The following CCDC83 variants were observed in gnomAD, a reference collection of about 807,000 sequenced individuals.
CCDC83 encodes coiled-coil domain-containing protein 83.
CCDC83 carries 54 observed loss-of-function variants against 50.1 expected under a neutral mutation model. That is an observed-to-expected ratio of 1.08 (90% CI 0.87 to 1.35). The LOEUF (loss-of-function observed/expected upper bound fraction) is 1.35, where lower values mean the gene tolerates loss of function less well. Among genes scored for constraint, CCDC83 ranks in the 40% most tolerant of loss-of-function variants. The probability of loss-of-function intolerance (pLI) is 0.00; values close to 1 mark genes in which losing one functional copy is unlikely to be tolerated. For synonymous variants in CCDC83, 161 were observed against 153.3 expected (o/e 1.05, Z -0.37); for missense variants, 518 against 473.9 (o/e 1.09, Z -0.86).
At chr11:85,863,949 GC>G (rs1351465316) in intron 1 of CCDC83, among the ~76,000 whole-genome samples, 2 of 152,168 alleles carry the variant, frequency 1.3e-5, no homozygotes, top group African/African-American at 2.4e-5. Flanking sequence ...TTAAATATTA[GC>G]TTATTTAATC....
At chr11:85,889,821 G>GT (rs1219160091) in intron 5 of CCDC83, among the ~76,000 whole-genome samples, 1 of 152,202 alleles carries the variant, frequency 6.6e-6, no homozygotes, top group East Asian at 1.9e-4. Context: ...GGAGGTTGCT[G>GT]TAAGTGAAAG....
chr11:85,891,916 T>A (rs2135067270), intron 5 of CCDC83, among the ~76,000 whole-genome samples: 1 of 152,260 alleles, frequency 6.6e-6, no homozygotes, highest in East Asian at 1.9e-4. Flanking sequence ...TCCATCTGCT[T>A]CAAATAGTCC....
chr11:85,882,673 G>A lies in CCDC83; in HGVS notation c.341G>A (p.Arg114Lys). ...GAAAGAGACCAGGAAAAAAACTTGAGAGGTGATTTAGGAACATAGAAAACT... is the reference window on the plus strand; with the variant it reads ...GAAAGAGACCAGGAAAAAAACTTGAAAGGTGATTTAGGAACATAGAAAACT... ...KFERDQEKNL[R>K]DMRMQISNAE... Residue 114 changes from arginine to lysine, a missense_variant and splice_region_variant, in exon 4 of 11, where the codon AGA becomes AAA. Physicochemically the swap from Arg to Lys is conservative, Grantham distance 26. Coordinates refer to ENST00000342404, the MANE Select transcript of CCDC83 (RefSeq NM_001286159.2). 6.2e-7 allele frequency: 1 copy of A among 1,613,422 alleles called. No individual in the cohort carries two copies. Among genetic ancestry groups the A allele is most frequent in the Non-Finnish European group, 8.5e-7 (1 of 1,179,700 alleles).
intron 8 of CCDC83, among the ~76,000 whole-genome samples, chr11:85,913,369 A>G (rs1181443493): frequency 1.3e-5 from 2 of 152,262 alleles, no homozygotes; most frequent in Admixed American, 1.3e-4. Flanking sequence ...AAAGACCTGC[A>G]TAAAGAAACT....
intron 7 of CCDC83, among the ~76,000 whole-genome samples, chr11:85,906,771 G>GTAATTAAAA (rs1554984849): frequency 2.7e-5 from 4 of 145,890 alleles, no homozygotes; most frequent in Admixed American, 6.8e-5. Context: ...TGTGGTCCCA[G>GTAATTAAAA]CTACTTATGA....
intron 3 of CCDC83, 71 bp from the exon 4 acceptor site, chr11:85,882,442 T>C: frequency 3.4e-6 from 5 of 1,489,490 alleles, no homozygotes; most frequent in Non-Finnish European, 4.6e-6. Context: ...CGGGAACTTC[T>C]TGACTCTATT....
intron 5 of CCDC83, 23 bp from the exon 6 acceptor site, chr11:85,895,264 CTTTTTT>C (rs10594256): frequency 2.3e-4 from 82 of 363,008 alleles, no homozygotes; most frequent in Middle Eastern, 8.9e-4. Flanking sequence ...TTTTAATTTT[CTTTTTT>C]TTTTTTTTTT....
In CCDC83 at chr11:85,919,594, C is replaced by A; in HGVS notation, c.*84C>A. On this transcript the variant is annotated 3_prime_UTR_variant, in exon 11 of 11. Coordinates refer to ENST00000342404, the MANE Select transcript of CCDC83 (RefSeq NM_001286159.2). ...GTATATCCGTTGCCCATTTTACTTA[C>A]ACTTTGGCTCATTTTTAAACCAGCT... is the stretch of plus-strand genomic sequence containing the variant. 1.0e-6 allele frequency: 1 copy of A among 954,012 alleles called. No homozygotes were observed. Among genetic ancestry groups the A allele is most frequent in the Non-Finnish European group, 1.6e-6 (1 of 628,266 alleles). 59.1% of individuals were successfully genotyped at this position (954,012 alleles called of 1,614,324 possible).
At chr11:85,864,617 C>T (rs551287994) in intron 1 of CCDC83, among the ~76,000 whole-genome samples, 3 of 152,288 alleles carry the variant, frequency 2.0e-5, no homozygotes, top group South Asian at 2.1e-4. Context: ...CAACCCTGCC[C>T]AAACCTAATT....
chr11:85,857,542 T>C (rs907533971), intron 1 of CCDC83, among the ~76,000 whole-genome samples: 2 of 152,164 alleles, frequency 1.3e-5, no homozygotes, highest in African/African-American at 2.4e-5. Flanking sequence ...GTGAGGCATC[T>C]TCAAGGAGAC....
At chr11:85,871,842 C>T (rs1165341325) in intron 2 of CCDC83, among the ~76,000 whole-genome samples, 1 of 152,032 alleles carries the variant, frequency 6.6e-6, no homozygotes, top group Non-Finnish European at 1.5e-5. Context: ...TTTAATTGAG[C>T]CAAAGGGTTT....
chr11:85,878,953 T>C (rs1419975843), intron 3 of CCDC83, among the ~76,000 whole-genome samples: 1 of 152,190 alleles, frequency 6.6e-6, no homozygotes, highest in Non-Finnish European at 1.5e-5. Flanking sequence ...TCTTTTCATG[T>C]GCCTGTCTTT....
chr11:85,916,128 C>T lies in CCDC83; in HGVS notation c.975C>T (p.Ile325=), dbSNP rs372690709. ...TACATCTTAGTCATGAAAATAGCAT[C>T]GAAGATCTCCAGTATGTGAAGATAG... is the stretch of plus-strand genomic sequence containing the variant. ...TILHLSHENS[I]EDLQYVKIDK... is the part of the protein sequence containing the mutation. Residue 325 remains isoleucine (I), a synonymous_variant, in exon 10 of 11, where the codon ATC becomes ATT. Coordinates refer to ENST00000342404, the MANE Select transcript of CCDC83 (RefSeq NM_001286159.2). The T allele has an allele frequency of 1.6e-5, 26 of 1,612,370 alleles. No homozygotes were observed. Among genetic ancestry groups the T allele is most frequent in the South Asian group, 5.5e-5 (5 of 91,026 alleles).
chr11:85,889,371 T>G (rs1397330021), intron 5 of CCDC83, among the ~76,000 whole-genome samples: 1 of 152,218 alleles, frequency 6.6e-6, no homozygotes, highest in African/African-American at 2.4e-5. Flanking sequence ...AATTATTAAC[T>G]AGGATGATTT....
At chr11:85,862,286 A>T (rs2093181144) in intron 1 of CCDC83, among the ~76,000 whole-genome samples, 1 of 152,150 alleles carries the variant, frequency 6.6e-6, no homozygotes, top group Non-Finnish European at 1.5e-5. Flanking sequence ...TGGAGTCCTG[A>T]GTCTTTCAAA....
rs1411931032 is a variant in CCDC83, at chr11:85,865,101, T to C, written c.-23T>C. 2.0e-6 allele frequency: 3 copies of C among 1,509,268 alleles called. No individual in the cohort carries two copies. The highest frequency in any genetic ancestry group is 2.8e-6 in the Non-Finnish European group (3 of 1,088,768). 93.5% of individuals were successfully genotyped at this position (1,509,268 alleles called of 1,614,324 possible). On this transcript the variant is annotated 5_prime_UTR_variant, in exon 2 of 11. Transcript: ENST00000342404. Reference sequence around the variant, plus strand: ...TATGTCTCCTTTCTAAACAGGTATATTTCTTCATAGCTAACCAGCACAATG... The same window carrying C: ...TATGTCTCCTTTCTAAACAGGTATACTTCTTCATAGCTAACCAGCACAATG...
chr11:85,912,142 G>A (rs1464248811), intron 8 of CCDC83, among the ~76,000 whole-genome samples: 1 of 152,172 alleles, frequency 6.6e-6, no homozygotes, highest in Non-Finnish European at 1.5e-5. Flanking sequence ...GGGTGCATGT[G>A]TGCAAGTATG....
At chr11:85,880,641 T>G (rs2093294729) in intron 3 of CCDC83, among the ~76,000 whole-genome samples, 1 of 152,048 alleles carries the variant, frequency 6.6e-6, no homozygotes, top group Non-Finnish European at 1.5e-5. Flanking sequence ...ATACATGTTT[T>G]GTTAGATATT....
At chr11:85,877,804 G>T (rs2093277173) in intron 3 of CCDC83, among the ~76,000 whole-genome samples, 3 of 152,128 alleles carry the variant, frequency 2.0e-5, no homozygotes, top group Middle Eastern at 3.4e-3. Flanking sequence ...CTTTACTTAG[G>T]ATTCAAAACA....
Sources: gnomAD v4.1 joint callset for allele counts (sites outside exome capture counted in the v4.1 genomes callset) on GRCh38, gnomAD v4.1.1 for gene constraint, MANE v1.5 for transcripts, NCBI Gene and HGNC (gene_info 2026-07-23, HGNC 2026-07-21) for gene names.